ACO1: variants seen among roughly 807,000 people sequenced by gnomAD.
ACO1 encodes the protein aconitase 1.
ACO1 carries 78 observed loss-of-function variants against 105.1 expected under a neutral mutation model. The ratio of observed to expected loss-of-function variants is 0.74; its 90% confidence interval spans 0.62 to 0.90. The LOEUF (loss-of-function observed/expected upper bound fraction) is 0.90. Among genes scored for constraint, ACO1 ranks in the 40% least tolerant of loss-of-function variants. The pLI is 0.00. For missense variants in ACO1, 965 were observed against 1,111.1 expected, an observed-to-expected ratio of 0.87 and a Z score of 1.87; for synonymous variants, 364 against 397.4, an observed-to-expected ratio of 0.92 and a Z score of 1.00.
At chr9:32,413,121 G>A (rs1383561276) in intron 4 of ACO1, among the ~76,000 whole-genome samples, 2 of 151,976 alleles carry the variant, frequency 1.3e-5, no homozygotes, top group Non-Finnish European at 1.5e-5. Context: ...ATGAAAAACA[G>A]CAAAATCCAA....
intron 4 of ACO1, among the ~76,000 whole-genome samples, chr9:32,409,572 C>G (rs1347608417): frequency 1.3e-5 from 2 of 152,100 alleles, no homozygotes; most frequent in African/African-American, 4.8e-5. Context: ...CTTCGTTGGC[C>G]ACGTGCAGTG....
At chr9:32,390,530 C>G (rs1415709553) in intron 1 of ACO1, among the ~76,000 whole-genome samples, 2 of 152,216 alleles carry the variant, frequency 1.3e-5, no homozygotes, top group African/African-American at 4.8e-5. Flanking sequence ...TGCCTATCTT[C>G]TTTTCCTCTA....
rs927573473 is a variant in ACO1, at chr9:32,415,178, A to G, written c.405-2950A>G. ...CTGGAGGCTAGGAGAGGGCTTATAA[A>G]GGATGGCTGAGGTCAGGTTGAAGGA... On this transcript the variant is annotated intron_variant, in intron 4 of 20. Transcript: ENST00000309951. Among the ~76,000 whole-genome samples, 13 of 152,232 alleles carry G rather than the reference A, an allele frequency of 8.5e-5. 1 individual carries two copies. The highest frequency in any genetic ancestry group is 2.4e-4 in the African/African-American group (10 of 41,462).
rs1486870148 is a variant in ACO1, at chr9:32,448,891, A to C, written c.2371-5A>C. Reference sequence around the variant, plus strand: ...TATGTCTAAACTACTGTCTTTATTCATCAGGGAATCAAAGCCGTCCTGGCC... The same window carrying C: ...TATGTCTAAACTACTGTCTTTATTCCTCAGGGAATCAAAGCCGTCCTGGCC... On this transcript the variant is annotated splice_region_variant and splice_polypyrimidine_tract_variant and intron_variant, in intron 19 of 20. Transcript: ENST00000309951. 1.9e-6 allele frequency: 3 copies of C among 1,614,054 alleles called. No homozygotes were observed. The highest frequency in any genetic ancestry group is 1.3e-5 in the African/African-American group (1 of 74,932).
intron 1 of ACO1, among the ~76,000 whole-genome samples, chr9:32,389,137 G>C (rs1445621969): frequency 6.6e-6 from 1 of 152,114 alleles, no homozygotes. Flanking sequence ...GTGTTGTATA[G>C]TTTTTAAACT....
At chr9:32,409,583 G>A (rs1821689618) in intron 4 of ACO1, among the ~76,000 whole-genome samples, 1 of 152,182 alleles carries the variant, frequency 6.6e-6, no homozygotes, top group South Asian at 2.1e-4. Context: ...ACGTGCAGTG[G>A]CTCATGCCTG....
intron 9 of ACO1, among the ~76,000 whole-genome samples, chr9:32,423,978 A>G (rs373126220): frequency 2.6e-4 from 39 of 152,326 alleles, no homozygotes; most frequent in African/African-American, 9.4e-4. Context: ...ATTATTACAG[A>G]CCTAGAAAGA....
rs35370505 is a variant in ACO1, at chr9:32,427,398, A to T, written c.1446A>T (p.Leu482=). 6.2e-6 allele frequency: 10 copies of T among 1,614,140 alleles called. No homozygotes were observed. The highest frequency in any genetic ancestry group is 7.6e-6 in the Non-Finnish European group (9 of 1,180,036). The change falls in exon 12 of 21, where the codon CTA becomes CTT. Residue 482 remains leucine (L), a synonymous_variant. Coordinates refer to ENST00000309951, the MANE Select transcript of ACO1 (RefSeq NM_002197.3). ...SPGSGVVTYY[L]QESGVMPYLS... ...GGAGTGGCGTGGTCACCTACTACCT[A>T]CAAGAAAGCGGAGTCATGCCTTATC... is the stretch of plus-strand genomic sequence containing the variant.
intron 10 of ACO1, 51 bp from the exon 11 acceptor site, chr9:32,425,787 A>T (rs1333174662): frequency 7.6e-7 from 1 of 1,310,590 alleles, no homozygotes; most frequent in Non-Finnish European, 1.0e-6. Flanking sequence ...AGATACATGT[A>T]TATCTTATAT....
chr9:32,428,576 T>C (rs999947224), intron 12 of ACO1, among the ~76,000 whole-genome samples: 4 of 152,086 alleles, frequency 2.6e-5, no homozygotes, highest in African/African-American at 4.8e-5. Context: ...CGGTGGCTCA[T>C]GCCTGTAATC....
chr9:32,410,333 C>T (rs375800858), intron 4 of ACO1, among the ~76,000 whole-genome samples: 10 of 151,876 alleles, frequency 6.6e-5, no homozygotes, highest in East Asian at 1.9e-4. Context: ...CTGAGGTGGG[C>T]GGATCACAAG....
chr9:32,413,986 A>G (rs1013634822), intron 4 of ACO1, among the ~76,000 whole-genome samples: 1 of 152,054 alleles, frequency 6.6e-6, no homozygotes, highest in African/African-American at 2.4e-5. Context: ...CATCTCTACT[A>G]AAAATACAAA....
intron 4 of ACO1, among the ~76,000 whole-genome samples, chr9:32,413,452 C>G (rs993616119): frequency 8.0e-5 from 12 of 149,360 alleles, no homozygotes; most frequent in Non-Finnish European, 1.8e-4. Flanking sequence ...CCACTGCACT[C>G]CAGCCTGGCA....
rs1368189634 is a variant in ACO1 at position 32,429,470 on chromosome 9, T to C, written c.1536T>C (p.Pro512=). Residue 512 remains proline (P), a synonymous_variant, in exon 13 of 21, where the codon CCT becomes CCC. Coordinates refer to ENST00000309951, the MANE Select transcript of ACO1 (RefSeq NM_002197.3). Reference sequence around the variant, plus strand: ...TGACCTGCATTGGCAACAGTGGGCCTTTACCTGAACCTGTGGTAGAAGCCA... The same window carrying C: ...TGACCTGCATTGGCAACAGTGGGCCCTTACCTGAACCTGTGGTAGAAGCCA... ...GCMTCIGNSG[P]LPEPVVEAIT... is the part of the protein sequence containing the mutation. 1.9e-6 allele frequency: 3 copies of C among 1,614,198 alleles called. No homozygotes were observed. In the Admixed American group the frequency reaches 5.0e-5, roughly 27 times the overall value.
At chr9:32,415,494 A>T (rs1199929306) in intron 4 of ACO1, among the ~76,000 whole-genome samples, 1 of 152,186 alleles carries the variant, frequency 6.6e-6, no homozygotes, top group East Asian at 1.9e-4. Context: ...CATTGAGTTG[A>T]TGGTGCCTGA....
chr9:32,396,894 C>T (rs1215500963), intron 1 of ACO1, among the ~76,000 whole-genome samples: 3 of 151,820 alleles, frequency 2.0e-5, no homozygotes, highest in Admixed American at 2.0e-4. Context: ...CTTTTTAGAT[C>T]GTTAACCAAC....
intron 19 of ACO1, among the ~76,000 whole-genome samples, chr9:32,448,201 C>A (rs923180656): frequency 6.6e-6 from 1 of 152,176 alleles, no homozygotes; most frequent in African/African-American, 2.4e-5. Flanking sequence ...TCTATAAGTA[C>A]CTGACTGGGG....
intron 19 of ACO1, among the ~76,000 whole-genome samples, chr9:32,443,166 C>A (rs1441601848): frequency 6.6e-6 from 1 of 151,856 alleles, no homozygotes; most frequent in Non-Finnish European, 1.5e-5. Context: ...GAAGAAAGCA[C>A]GGTGTTATGA....
At chr9:32,435,900 A>G in intron 17 of ACO1, 1 of 382,580 alleles carries the variant, frequency 2.6e-6, no homozygotes, top group Non-Finnish European at 5.1e-6. Flanking sequence ...CCATTTTCTC[A>G]CTTATTTTTA....
Sources: gnomAD v4.1 joint callset for allele counts (sites outside exome capture counted in the v4.1 genomes callset) on GRCh38, gnomAD v4.1.1 for gene constraint, MANE v1.5 for transcripts, NCBI Gene and HGNC (gene_info 2026-07-23, HGNC 2026-07-21) for gene names.